The following SGCZ variants were observed in gnomAD, a reference collection of about 807,000 sequenced individuals.
The protein encoded by SGCZ is zeta-sarcoglycan.
In SGCZ, 40 loss-of-function variants were observed where a neutral mutation model predicts 41.3. That is an observed-to-expected ratio of 0.97 (90% CI 0.75 to 1.26). SGCZ has a LOEUF of 1.26. Ranked by LOEUF, SGCZ falls within the 50% of genes most tolerant of loss-of-function variation. The probability of loss-of-function intolerance (pLI) is 0.00; values close to 1 mark genes in which losing one functional copy is unlikely to be tolerated. For synonymous variants in SGCZ, 206 were observed against 137.5 expected (o/e 1.50, Z -3.49); for missense variants, 552 against 369.8 (o/e 1.49, Z -4.04).
In SGCZ at chr8:14,085,730, T is replaced by C. The variant is rs1801505529; in HGVS notation, c.*4713A>G. On this transcript the variant is annotated 3_prime_UTR_variant, in exon 8 of 8. Transcript: ENST00000382080. ...TACCAAGGAGTTTGTTATGCATGTATAAAAGAAAAGTGGACCACACTAATG... is the reference window on the plus strand; with the variant it reads ...TACCAAGGAGTTTGTTATGCATGTACAAAAGAAAAGTGGACCACACTAATG... 6.6e-6 allele frequency among the ~76,000 whole-genome samples: 1 copy of C among 151,762 alleles called. No individual in the cohort carries two copies. The highest frequency in any genetic ancestry group is 2.4e-5 in the African/African-American group (1 of 41,400).
At chr8:15,165,528 G>A (rs966655601) in intron 1 of SGCZ, among the ~76,000 whole-genome samples, 1 of 152,246 alleles carries the variant, frequency 6.6e-6, no homozygotes, top group East Asian at 1.9e-4. Flanking sequence ...GGGGACATAT[G>A]GAACTAACTA....
At chr8:14,733,559 T>G (rs2130248691) in intron 1 of SGCZ, among the ~76,000 whole-genome samples, 1 of 152,336 alleles carries the variant, frequency 6.6e-6, no homozygotes, top group Admixed American at 6.5e-5. Context: ...TTCTAATGAA[T>G]AATTATCTTC....
chr8:14,518,451 G>A (rs191922247), intron 2 of SGCZ, among the ~76,000 whole-genome samples: 2 of 151,984 alleles, frequency 1.3e-5, no homozygotes, highest in Admixed American at 6.6e-5. Context: ...GTGTAATATT[G>A]ACAAACATTT....
In SGCZ at chr8:14,760,063, C is replaced by G. The variant is rs532446583; in HGVS notation, c.40-205137G>C. ...TAAATGCACAATTCCTCTAACTAAC[C>G]CACCACCCGCCCCATGATGAGCACT... On this transcript the variant is annotated intron_variant, in intron 1 of 7. Transcript: ENST00000382080. Among the ~76,000 whole-genome samples the G allele has an allele frequency of 5.9e-5, 9 of 152,194 alleles. No homozygotes were observed. In the East Asian group the frequency reaches 1.2e-3, roughly 20 times the overall value.
At chr8:14,668,105 C>T (rs977676577) in intron 1 of SGCZ, among the ~76,000 whole-genome samples, 1 of 151,954 alleles carries the variant, frequency 6.6e-6, no homozygotes, top group Non-Finnish European at 1.5e-5. Flanking sequence ...TACAGGCACC[C>T]CCGCCACCAC....
At chr8:14,367,912 T>C (rs1016628607) in intron 2 of SGCZ, among the ~76,000 whole-genome samples, 2 of 152,058 alleles carry the variant, frequency 1.3e-5, no homozygotes, top group Admixed American at 1.3e-4. Flanking sequence ...AAAAGTCTGA[T>C]CTCTAACTAC....
At chr8:14,996,355 G>C (rs1040556309) in intron 1 of SGCZ, among the ~76,000 whole-genome samples, 1 of 152,202 alleles carries the variant, frequency 6.6e-6, no homozygotes, top group African/African-American at 2.4e-5. Context: ...CAAATGAGGG[G>C]TGATGACAAT....
intron 4 of SGCZ, among the ~76,000 whole-genome samples, chr8:14,181,579 C>A (rs553655584): frequency 1.3e-5 from 2 of 152,146 alleles, no homozygotes; most frequent in Admixed American, 1.3e-4. Flanking sequence ...GTGACAAGGG[C>A]GGGGCCAGAT....
chr8:14,294,818 G>C (rs1298659950), intron 3 of SGCZ, among the ~76,000 whole-genome samples: 1 of 152,006 alleles, frequency 6.6e-6, no homozygotes, highest in Non-Finnish European at 1.5e-5. Flanking sequence ...TGAAATCGCT[G>C]TTAGATGTAG....
intron 2 of SGCZ, among the ~76,000 whole-genome samples, chr8:14,403,640 T>C (rs944331808): frequency 9.9e-5 from 15 of 152,272 alleles, no homozygotes; most frequent in African/African-American, 3.1e-4. Context: ...ACAATTTATT[T>C]ATTTTAGTGT....
chr8:14,994,381 C>T (rs1270522195), intron 1 of SGCZ, among the ~76,000 whole-genome samples: 7 of 152,028 alleles, frequency 4.6e-5, no homozygotes, highest in Non-Finnish European at 8.8e-5. Context: ...CTCAGGAGTT[C>T]GAAACCAGCC....
intron 1 of SGCZ, among the ~76,000 whole-genome samples, chr8:14,687,595 T>C (rs550213809): frequency 3.7e-4 from 57 of 152,070 alleles, no homozygotes; most frequent in African/African-American, 1.3e-3. Flanking sequence ...AGTCTATCAT[T>C]GTTGGACATT....
chr8:14,133,028 C>G (rs551096640), intron 5 of SGCZ, among the ~76,000 whole-genome samples: 1 of 152,104 alleles, frequency 6.6e-6, no homozygotes, highest in Non-Finnish European at 1.5e-5. Flanking sequence ...AGCACACAAA[C>G]AAAACCAAAA....
chr8:14,197,891 C>T (rs1191291275), intron 4 of SGCZ, among the ~76,000 whole-genome samples: 1 of 151,874 alleles, frequency 6.6e-6, no homozygotes, highest in Non-Finnish European at 1.5e-5. Context: ...TGACCTGATT[C>T]TCTAAATATA....
At chr8:14,923,071 C>T (rs193165306) in intron 1 of SGCZ, among the ~76,000 whole-genome samples, 32 of 152,236 alleles carry the variant, frequency 2.1e-4, no homozygotes, top group African/African-American at 7.5e-4. Context: ...CATGTGTTTT[C>T]CTAAACTGAA....
intron 1 of SGCZ, among the ~76,000 whole-genome samples, chr8:14,760,276 G>A (rs1319227339): frequency 2.0e-5 from 3 of 152,114 alleles, no homozygotes; most frequent in African/African-American, 7.2e-5. Flanking sequence ...AGTAAATGAA[G>A]AAGAAAATCA....
intron 1 of SGCZ, among the ~76,000 whole-genome samples, chr8:14,906,834 A>G (rs1799133009): frequency 6.6e-6 from 1 of 152,216 alleles, no homozygotes; most frequent in African/African-American, 2.4e-5. Context: ...TATGAGAGAA[A>G]TCATTTCTTT....
chr8:14,888,259 G>C (rs1363502556), intron 1 of SGCZ, among the ~76,000 whole-genome samples: 1 of 152,114 alleles, frequency 6.6e-6, no homozygotes, highest in Admixed American at 6.5e-5. Context: ...CCGTCTCATG[G>C]GTGGAGTAAG....
chr8:14,494,393 A>T (rs559393616), intron 2 of SGCZ, among the ~76,000 whole-genome samples: 119 of 152,214 alleles, frequency 7.8e-4, no homozygotes, highest in Non-Finnish European at 1.4e-3. Context: ...GAATGTCAGA[A>T]TCCCATGAGC....
Sources: allele counts gnomAD v4.1 joint callset (sites outside exome capture counted in the v4.1 genomes callset), GRCh38; gene constraint gnomAD v4.1.1; transcripts MANE v1.5; gene names NCBI Gene and HGNC (gene_info 2026-07-23, HGNC 2026-07-21).